CNTNAP2: variants seen among roughly 807,000 people sequenced by gnomAD.
The protein encoded by CNTNAP2 is contactin associated protein 2, also known as contactin-associated protein-like 2.
In CNTNAP2, 98 loss-of-function variants were observed where a neutral mutation model predicts 155.2. The observed-to-expected ratio is 0.63, with a 90% CI of 0.54 to 0.75. CNTNAP2 has a LOEUF of 0.75. Among genes scored for constraint, CNTNAP2 ranks in the 30% least tolerant of loss-of-function variants. The pLI is 0.00. For synonymous variants in CNTNAP2, 651 were observed against 631.2 expected (o/e 1.03, Z -0.47); for missense variants, 1,727 against 1,688.1 (o/e 1.02, Z -0.40).
intron 15 of CNTNAP2, among the ~76,000 whole-genome samples, chr7:148,047,125 G>T (rs78916419): frequency 6.6e-6 from 1 of 151,992 alleles, no homozygotes; most frequent in Non-Finnish European, 1.5e-5. Flanking sequence ...TCTTCAGTTC[G>T]TGCTACATGA....
intron 1 of CNTNAP2, among the ~76,000 whole-genome samples, chr7:146,616,390 C>T (rs1027477110): frequency 5.3e-5 from 8 of 151,974 alleles, no homozygotes; most frequent in African/African-American, 7.3e-5. Context: ...TTTGTTCAGG[C>T]GGAAGAATCT....
chr7:147,216,047 A>T (rs776874352), intron 8 of CNTNAP2, among the ~76,000 whole-genome samples: 2 of 151,060 alleles, frequency 1.3e-5, no homozygotes, highest in Non-Finnish European at 2.9e-5. Context: ...TTTCTTATTG[A>T]TGAGTGTTAA....
chr7:148,239,288 A>G (rs1490193497), intron 20 of CNTNAP2, among the ~76,000 whole-genome samples: 4 of 152,216 alleles, frequency 2.6e-5, no homozygotes, highest in African/African-American at 9.6e-5. Context: ...TTAACTTTCC[A>G]CTTTAATGAA....
At chr7:146,957,298 G>T (rs374002134) in intron 3 of CNTNAP2, among the ~76,000 whole-genome samples, 38 of 152,170 alleles carry the variant, frequency 2.5e-4, no homozygotes, top group African/African-American at 9.1e-4. Flanking sequence ...TAAAATGTTA[G>T]GATAGCTATG....
intron 13 of CNTNAP2, among the ~76,000 whole-genome samples, chr7:147,757,471 G>GTGCT (rs1254917161): frequency 2.6e-5 from 4 of 152,090 alleles, no homozygotes; most frequent in African/African-American, 9.7e-5. Context: ...AGATCTACAG[G>GTGCT]TGCTTCATGG....
intron 14 of CNTNAP2, among the ~76,000 whole-genome samples, chr7:147,923,195 T>C (rs1293175967): frequency 6.6e-6 from 1 of 152,170 alleles, no homozygotes; most frequent in Non-Finnish European, 1.5e-5. Context: ...ACAAAAGATA[T>C]ATTGTGAACG....
intron 8 of CNTNAP2, among the ~76,000 whole-genome samples, chr7:147,211,320 G>A (rs966295284): frequency 6.6e-6 from 1 of 151,892 alleles, no homozygotes; most frequent in African/African-American, 2.4e-5. Context: ...CCAAGGTTGG[G>A]TTCATATATG....
intron 18 of CNTNAP2, among the ~76,000 whole-genome samples, chr7:148,197,652 A>ACAT (rs1287140882): frequency 2.6e-5 from 4 of 152,218 alleles, no homozygotes; most frequent in Admixed American, 1.3e-4. Flanking sequence ...AATGACCCAC[A>ACAT]CATACACAAA....
At chr7:146,512,141 T>C (rs1797476282) in intron 1 of CNTNAP2, among the ~76,000 whole-genome samples, 1 of 151,990 alleles carries the variant, frequency 6.6e-6, no homozygotes, top group South Asian at 2.1e-4. Context: ...TAATGTCTCC[T>C]TTTTCATTTT....
At chr7:146,311,559 C>A (rs1205000440) in intron 1 of CNTNAP2, among the ~76,000 whole-genome samples, 3 of 141,300 alleles carry the variant, frequency 2.1e-5, no homozygotes, top group African/African-American at 5.5e-5. Flanking sequence ...TCCCTCGAAG[C>A]CTGGAGTTTG....
rs141902727 is a variant in CNTNAP2, at chr7:147,317,800, A to ATGTGTATATATGTG, written c.1498+17511_1498+17512insGTGTATATATGTGT. ...TATGTGTGTGTGTGTGTGTGTGTGT[A>ATGTGTATATATGTG]TATGTATATATATGTGTGTGTGTGT... is the stretch of plus-strand genomic sequence containing the variant. On this transcript the variant is annotated intron_variant, in intron 9 of 23. Transcript: ENST00000361727. 4.5e-4 allele frequency among the ~76,000 whole-genome samples: 67 copies of ATGTGTATATATGTG among 148,610 alleles called. 1 individual carries two copies. In the South Asian group the frequency reaches 4.7e-3, roughly 10 times the overall value.
intron 1 of CNTNAP2, among the ~76,000 whole-genome samples, chr7:146,581,903 G>C (rs182297312): frequency 2.0e-5 from 3 of 152,146 alleles, no homozygotes; most frequent in East Asian, 3.9e-4. Flanking sequence ...ATGATGCAGT[G>C]AGAATTGATA....
chr7:148,063,061 A>C (rs1229682852), intron 15 of CNTNAP2, among the ~76,000 whole-genome samples: 1 of 152,158 alleles, frequency 6.6e-6, no homozygotes, highest in Non-Finnish European at 1.5e-5. Context: ...AATTCCATCT[A>C]TAGTATATAT....
intron 1 of CNTNAP2, among the ~76,000 whole-genome samples, chr7:146,703,521 ACATAT>A (rs1272468721): frequency 6.6e-6 from 1 of 152,118 alleles, no homozygotes; most frequent in Non-Finnish European, 1.5e-5. Context: ...TGCTATAACA[ACATAT>A]CATAAACTGG....
rs112358431 is a variant in CNTNAP2, at chr7:148,396,092, C to T, written c.3715+12204C>T. Among the ~76,000 whole-genome samples the T allele has an allele frequency of 3.7e-3, 562 of 152,292 alleles. 3 individuals are homozygous for T. Among genetic ancestry groups the T allele is most frequent in the African/African-American group, 0.012 (485 of 41,560 alleles). On this transcript the variant is annotated intron_variant, in intron 22 of 23. Coordinates refer to ENST00000361727, the MANE Select transcript of CNTNAP2 (RefSeq NM_014141.6). ...CATGGAAATCATTGCAGCTGTCAGC[C>T]TGTGTCACGTGGGGCTGGCTAAGTG...
At chr7:146,404,239 A>G (rs898256056) in intron 1 of CNTNAP2, among the ~76,000 whole-genome samples, 8 of 152,072 alleles carry the variant, frequency 5.3e-5, no homozygotes, top group Admixed American at 3.3e-4. Flanking sequence ...TCTTTTCTGC[A>G]TCAGTGTTTT....
At chr7:146,395,990 C>T (rs1399497969) in intron 1 of CNTNAP2, among the ~76,000 whole-genome samples, 2 of 151,928 alleles carry the variant, frequency 1.3e-5, no homozygotes, top group Non-Finnish European at 2.9e-5. Context: ...ACTGTACTGT[C>T]ACAAATTTCA....
At chr7:146,895,268 C>A (rs1048285482) in intron 3 of CNTNAP2, among the ~76,000 whole-genome samples, 1 of 138,772 alleles carries the variant, frequency 7.2e-6, no homozygotes, top group Non-Finnish European at 1.7e-5. Context: ...CCTTCCCCTT[C>A]CTTCTTTCCT....
chr7:148,322,721 A>T (rs1797814978), intron 21 of CNTNAP2, among the ~76,000 whole-genome samples: 1 of 150,414 alleles, frequency 6.6e-6, no homozygotes, highest in Non-Finnish European at 1.5e-5. Context: ...TACTTCAAAG[A>T]CCTCCATTCA....
Sources: gnomAD v4.1 joint callset for allele counts (sites outside exome capture counted in the v4.1 genomes callset) on GRCh38, gnomAD v4.1.1 for gene constraint, MANE v1.5 for transcripts, NCBI Gene and HGNC (gene_info 2026-07-23, HGNC 2026-07-21) for gene names.